Variants in CHIC1 observed in about 807,000 individuals in gnomAD.
CHIC1 encodes cysteine rich hydrophobic domain 1.
In CHIC1, 7 loss-of-function variants were observed where a neutral mutation model predicts 18.5. The observed-to-expected ratio is 0.38, with a 90% CI of 0.22 to 0.71. The LOEUF (loss-of-function observed/expected upper bound fraction) is 0.71, where lower values mean the gene tolerates loss of function less well. Ranked by LOEUF, CHIC1 falls within the 30% of genes least tolerant of loss-of-function variation. The probability of loss-of-function intolerance (pLI) is 0.49; values close to 1 mark genes in which losing one functional copy is unlikely to be tolerated. For missense variants in CHIC1, 159 were observed against 176.9 expected (o/e 0.90, Z 0.57); for synonymous variants, 77 against 73.5 (o/e 1.05, Z -0.25).
chrX:73,578,802 T>C (rs1466084813), intron 2 of CHIC1: 1 of 110,524 alleles, frequency 9.0e-6, no homozygotes, highest in African/African-American at 3.3e-5. Flanking sequence ...ATGAGACTTT[T>C]CTGATATCTT....
At chrX:73,614,029 T>C (rs560443139) in intron 3 of CHIC1, among the ~76,000 whole-genome samples, 14 of 112,152 alleles carry the variant, frequency 1.2e-4, no homozygotes, top group Admixed American at 3.8e-4. Context: ...TAGGACTCCC[T>C]TAAGCAGTTT....
intron 3 of CHIC1, among the ~76,000 whole-genome samples, chrX:73,610,061 T>C (rs2057700631): frequency 9.2e-6 from 1 of 108,411 alleles, no homozygotes; most frequent in African/African-American, 3.6e-5. Context: ...TCCAAGCCTC[T>C]GGAAGTATCA....
chrX:73,571,993 C>T (rs947809308), intron 1 of CHIC1, among the ~76,000 whole-genome samples: 14 of 109,274 alleles, frequency 1.3e-4, no homozygotes, highest in Admixed American at 5.8e-4. Flanking sequence ...GGGATACATG[C>T]GCAGTTTTAT....
At chrX:73,669,674 C>T (rs779765650) in intron 3 of CHIC1, among the ~76,000 whole-genome samples, 87 of 112,093 alleles carry the variant, frequency 7.8e-4, no homozygotes, top group African/African-American at 2.6e-3. Flanking sequence ...CACTGTGCTG[C>T]GTTGCTGGGG....
chrX:73,651,087 C>T (rs2057914086), intron 3 of CHIC1, among the ~76,000 whole-genome samples: 1 of 111,892 alleles, frequency 8.9e-6, no homozygotes, highest in Admixed American at 9.5e-5. Flanking sequence ...AAGACAAAAA[C>T]CACATGATTA....
intron 3 of CHIC1, among the ~76,000 whole-genome samples, chrX:73,590,386 A>G (rs1419875892): frequency 9.0e-6 from 1 of 111,354 alleles, no homozygotes; most frequent in Non-Finnish European, 1.9e-5. Flanking sequence ...CCCTCATCCA[A>G]TACCAATTTC....
At chrX:73,596,254 T>C (rs2057607903) in intron 3 of CHIC1, among the ~76,000 whole-genome samples, 1 of 111,212 alleles carries the variant, frequency 9.0e-6, no homozygotes, top group Non-Finnish European at 1.9e-5. Context: ...GAGAGCCAAA[T>C]CATGAGTGAA....
intron 3 of CHIC1, among the ~76,000 whole-genome samples, chrX:73,675,654 C>T (rs921706194): frequency 1.8e-5 from 2 of 111,810 alleles, no homozygotes; most frequent in Non-Finnish European, 3.8e-5. Context: ...TTCCTGAATA[C>T]AGCACACTGA....
chrX:73,576,244 A>G (rs773583247), intron 1 of CHIC1, among the ~76,000 whole-genome samples: 15 of 110,826 alleles, frequency 1.4e-4, no homozygotes, highest in Admixed American at 4.8e-4. Flanking sequence ...AAAGTATACT[A>G]TAGTAAATAC....
chrX:73,662,008 T>C (rs1201792879), intron 3 of CHIC1, among the ~76,000 whole-genome samples: 1 of 108,764 alleles, frequency 9.2e-6, no homozygotes, highest in Non-Finnish European at 1.9e-5. Flanking sequence ...CTGCACACTG[T>C]GCACATGTAC....
intron 3 of CHIC1, among the ~76,000 whole-genome samples, chrX:73,616,843 G>T (rs1223159163): frequency 3.6e-5 from 4 of 111,649 alleles, no homozygotes; most frequent in African/African-American, 1.3e-4. Flanking sequence ...TTCTTTCTAT[G>T]CCTCTGGGCC....
chrX:73,604,013 C>T (rs187386066), intron 3 of CHIC1, among the ~76,000 whole-genome samples: 1 of 108,719 alleles, frequency 9.2e-6, no homozygotes, highest in East Asian at 2.8e-4. Flanking sequence ...ATGATGCTGG[C>T]CTCATAAAAT....
intron 3 of CHIC1, among the ~76,000 whole-genome samples, chrX:73,600,085 C>G (rs1411936609): frequency 9.8e-6 from 1 of 102,292 alleles, no homozygotes; most frequent in Non-Finnish European, 1.9e-5. Context: ...GTTTTATTCT[C>G]TTTGAAGCAA....
rs746935918 is a variant in CHIC1 at position 73,632,312 on chromosome X, G to A, written c.508-47014G>A. Among the ~76,000 whole-genome samples, 206 of 111,664 alleles carry A rather than the reference G, an allele frequency of 1.8e-3. 2 individuals carry two copies. The highest frequency in any genetic ancestry group is 6.1e-3 in the African/African-American group (187 of 30,745). On this transcript the variant is annotated intron_variant, in intron 3 of 5. Coordinates refer to ENST00000373502, the MANE Select transcript of CHIC1 (RefSeq NM_001039840.4). Reference sequence around the variant, plus strand: ...CCCTGCTAATTTTTGTCCACTATTTGCATGGACTGTCTTTTTCCATTCTTC... The same window carrying A: ...CCCTGCTAATTTTTGTCCACTATTTACATGGACTGTCTTTTTCCATTCTTC...
At chrX:73,575,387 C>T (rs1472806742) in intron 1 of CHIC1, among the ~76,000 whole-genome samples, 5 of 109,830 alleles carry the variant, frequency 4.6e-5, no homozygotes, top group African/African-American at 1.6e-4. Context: ...AATGGGGATA[C>T]CTCCTGAGAA....
At chrX:73,652,229 A>G (rs1272158124) in intron 3 of CHIC1, among the ~76,000 whole-genome samples, 1 of 112,256 alleles carries the variant, frequency 8.9e-6, no homozygotes, top group African/African-American at 3.2e-5. Flanking sequence ...TTATACAAAA[A>G]TTAACTCAAG....
chrX:73,648,223 A>G (rs1447572431), intron 3 of CHIC1, among the ~76,000 whole-genome samples: 1 of 99,094 alleles, frequency 1.0e-5, no homozygotes, highest in Non-Finnish European at 2.0e-5. Flanking sequence ...AAAAATCAAA[A>G]CTTAAACAAA....
At chrX:73,580,119 C>A (rs1403074544) in intron 2 of CHIC1, among the ~76,000 whole-genome samples, 1 of 110,484 alleles carries the variant, frequency 9.1e-6, no homozygotes, top group Non-Finnish European at 1.9e-5. Flanking sequence ...TTTATATGCT[C>A]AAGGAATCTT....
At chrX:73,626,787 G>A (rs1312675160) in intron 3 of CHIC1, among the ~76,000 whole-genome samples, 1 of 110,717 alleles carries the variant, frequency 9.0e-6, no homozygotes, top group African/African-American at 3.3e-5. Flanking sequence ...GTTTCTCCAG[G>A]TTTGGTTCCT....
Sources: gnomAD v4.1 joint callset for allele counts (sites outside exome capture counted in the v4.1 genomes callset) on GRCh38, gnomAD v4.1.1 for gene constraint, MANE v1.5 for transcripts, NCBI Gene and HGNC (gene_info 2026-07-23, HGNC 2026-07-21) for gene names.